The following RPGRIP1 variants were observed in gnomAD, a reference collection of about 807,000 sequenced individuals.
The protein encoded by RPGRIP1 is RPGR interacting protein 1.
Under a neutral mutation model 157.9 loss-of-function variants are expected in RPGRIP1, and 128 were observed. The ratio of observed to expected loss-of-function variants is 0.81; its 90% confidence interval spans 0.70 to 0.94. RPGRIP1 has a LOEUF of 0.94. Ranked by LOEUF, RPGRIP1 falls within the 40% of genes least tolerant of loss-of-function variation. The pLI is 0.00. For missense variants in RPGRIP1, 1,486 were observed against 1,545.8 expected, an observed-to-expected ratio of 0.96 and a Z score of 0.65; for synonymous variants, 554 against 571.6, an observed-to-expected ratio of 0.97 and a Z score of 0.44.
At chr14:21,339,407 C>G (rs1884753297) in intron 21 of RPGRIP1, among the ~76,000 whole-genome samples, 2 of 152,142 alleles carry the variant, frequency 1.3e-5, no homozygotes, top group East Asian at 3.9e-4. Context: ...GATGGTTCCC[C>G]TGCACTCCAG....
At chr14:21,282,149 C>A (rs10130023) in intron 1 of RPGRIP1, among the ~76,000 whole-genome samples, 2 of 151,992 alleles carry the variant, frequency 1.3e-5, no homozygotes, top group African/African-American at 4.8e-5. Flanking sequence ...TGGCTTTATA[C>A]GTCTATCCAT....
intron 11 of RPGRIP1, 196 bp downstream of exon 11, chr14:21,318,046 T>C: frequency 1.4e-6 from 1 of 700,338 alleles, no homozygotes; most frequent in Non-Finnish European, 2.6e-6. Context: ...CTACCTCTCA[T>C]GTATACTTTT....
chr14:21,350,927 T>A (rs953803244), intron 24 of RPGRIP1, among the ~76,000 whole-genome samples, 177 bp from the exon 25 acceptor site: 5 of 152,220 alleles, frequency 3.3e-5, no homozygotes, highest in Non-Finnish European at 7.3e-5. Context: ...CAACTTGTGC[T>A]TCCATTTATT....
intron 8 of RPGRIP1, 53 bp from the exon 9 acceptor site, chr14:21,311,771 C>T: frequency 6.7e-7 from 1 of 1,500,938 alleles, no homozygotes; most frequent in South Asian, 1.3e-5. Flanking sequence ...GTCTGGAGAC[C>T]ACTCGTGCTG....
chr14:21,317,715 A>G lies in RPGRIP1; in HGVS notation c.1171A>G (p.Ser391Gly). The G allele has an allele frequency of 6.3e-7, 1 of 1,586,272 alleles. No homozygotes were observed. Among genetic ancestry groups the G allele is most frequent in the East Asian group, 2.3e-5 (1 of 43,598 alleles). Residue 391 changes from serine (S) to glycine (G), a missense_variant, in exon 11 of 25, where the codon AGC (serine) becomes GGC (glycine). Coordinates refer to ENST00000400017, the MANE Select transcript of RPGRIP1 (RefSeq NM_020366.4). ...TGCCAGCATGCTGGACAGCAGTGAC[A>G]GCTCCAGTCAGCCCCACTGGAGCAA... ...LLESMLDSSD[S>G]SSQPHWSNEL...
At chr14:21,328,674 C>T in intron 19 of RPGRIP1, 47 bp downstream of exon 19, 2 of 1,285,992 alleles carry the variant, frequency 1.6e-6, no homozygotes, top group Middle Eastern at 2.3e-4. Flanking sequence ...GTTGTAGTGT[C>T]CCCAGATGTA....
intron 3 of RPGRIP1, among the ~76,000 whole-genome samples, chr14:21,296,848 G>A (rs1461373710): frequency 4.6e-5 from 7 of 151,418 alleles, no homozygotes; most frequent in Admixed American, 1.3e-4. Flanking sequence ...CCAGCTACTC[G>A]GGAGACTGAA....
chr14:21,337,438 C>CTTTTTTTTT (rs869108147), intron 21 of RPGRIP1, among the ~76,000 whole-genome samples: 6 of 128,716 alleles, frequency 4.7e-5, no homozygotes, highest in African/African-American at 1.2e-4. Flanking sequence ...CAATGTTAAG[C>CTTTTTTTTT]TTTTTTTTTT....
At chr14:21,329,745 C>T (rs1169992920) in intron 19 of RPGRIP1, among the ~76,000 whole-genome samples, 3 of 151,334 alleles carry the variant, frequency 2.0e-5, no homozygotes, top group Admixed American at 2.0e-4. Flanking sequence ...ATCCGCCTGC[C>T]TCAGCCTCCC....
rs1487760572 is a variant in RPGRIP1, at chr14:21,294,807, A to G, written c.216A>G (p.Lys72=). 6.5e-7 allele frequency: 1 copy of G among 1,548,260 alleles called. No homozygotes were observed. Among genetic ancestry groups the G allele is most frequent in the African/African-American group, 1.4e-5 (1 of 72,158 alleles). Residue 72 remains lysine (K), a splice_region_variant and synonymous_variant, in exon 3 of 25, where the codon AAA becomes AAG. Transcript: ENST00000400017. Reference sequence around the variant, plus strand: ...CTTGGAAGCAACAGGATGAGATCAAAAGGTACTTAGAGTTCTCCTTAAATT... The same window carrying G: ...CTTGGAAGCAACAGGATGAGATCAAGAGGTACTTAGAGTTCTCCTTAAATT... ...ELSWKQQDEI[K]RLRTTLLRLT... is the part of the protein sequence containing the mutation.
intron 7 of RPGRIP1, among the ~76,000 whole-genome samples, chr14:21,308,801 G>A (rs1297492014): frequency 6.6e-6 from 1 of 152,236 alleles, no homozygotes; most frequent in Non-Finnish European, 1.5e-5. Context: ...GTAGGCAGGA[G>A]GAGGTAGTGT....
At chr14:21,296,771 A>G (rs1880800095) in intron 3 of RPGRIP1, among the ~76,000 whole-genome samples, 1 of 151,832 alleles carries the variant, frequency 6.6e-6, no homozygotes, top group African/African-American at 2.4e-5. Flanking sequence ...CCTGACCAAC[A>G]TGATGAAACC....
intron 6 of RPGRIP1, among the ~76,000 whole-genome samples, chr14:21,305,939 TG>T (rs948912965): frequency 4.6e-5 from 7 of 151,824 alleles, no homozygotes; most frequent in Admixed American, 6.6e-5. Context: ...TTCAATTATT[TG>T]GGGGGTAGAA....
intron 21 of RPGRIP1, among the ~76,000 whole-genome samples, chr14:21,336,835 C>G (rs2139300882): frequency 6.6e-6 from 1 of 152,270 alleles, no homozygotes; most frequent in East Asian, 1.9e-4. Flanking sequence ...TGAACTGTAA[C>G]AAGCCAGCCA....
intron 10 of RPGRIP1, among the ~76,000 whole-genome samples, chr14:21,313,717 G>C (rs1490963278): frequency 1.3e-5 from 2 of 151,816 alleles, no homozygotes; most frequent in African/African-American, 4.8e-5. Context: ...GAACCCGGGA[G>C]GCGGAGGTTG....
intron 21 of RPGRIP1, among the ~76,000 whole-genome samples, chr14:21,339,969 T>C (rs1884820080): frequency 1.3e-5 from 2 of 152,140 alleles, no homozygotes; most frequent in African/African-American, 4.8e-5. Context: ...AATAGGGCGA[T>C]ATAATAGCAA....
intron 21 of RPGRIP1, among the ~76,000 whole-genome samples, chr14:21,340,379 G>A (rs2139321387): frequency 6.6e-6 from 1 of 152,364 alleles, no homozygotes; most frequent in Non-Finnish European, 1.5e-5. Flanking sequence ...ATGGGGCCGG[G>A]CGCAATGGCT....
chr14:21,321,512 G>A, intron 13 of RPGRIP1, 110 bp downstream of exon 13: 1 of 1,493,102 alleles, frequency 6.7e-7, no homozygotes, highest in Non-Finnish European at 8.9e-7. Context: ...ACCAGGTGAT[G>A]TGCTATCCTG....
intron 3 of RPGRIP1, among the ~76,000 whole-genome samples, chr14:21,296,241 A>G (rs1282353195): frequency 6.6e-6 from 1 of 151,902 alleles, no homozygotes; most frequent in Non-Finnish European, 1.5e-5. Flanking sequence ...AGCTGGGACT[A>G]TAGGTGCCCA....
Sources: gnomAD v4.1 joint callset for allele counts (sites outside exome capture counted in the v4.1 genomes callset) on GRCh38, gnomAD v4.1.1 for gene constraint, MANE v1.5 for transcripts, NCBI Gene and HGNC (gene_info 2026-07-23, HGNC 2026-07-21) for gene names.